The following SLC35H1 variants were observed in gnomAD, a reference collection of about 807,000 sequenced individuals.
The protein encoded by SLC35H1 is ovarian cancer-overexpressed gene 1 protein.
chr20:46,355,328 T>C, the SLC35H1 span: 1 of 1,435,946 alleles, frequency 7.0e-7, no homozygotes, highest in Non-Finnish European at 9.4e-7. The surrounding 1 kb of genome is among the most constrained non-coding windows in gnomAD (Gnocchi z 4.8). Context: ...TCAGCAGCCA[T>C]CTTGGCTGCC....
At chr20:46,357,562 C>G in the SLC35H1 span, 1 of 1,573,250 alleles carries the variant, frequency 6.4e-7, no homozygotes, top group Non-Finnish European at 8.7e-7. Flanking sequence ...CTCTCTTGTT[C>G]TCATCCTATG....
At chr20:46,355,142 G>A in the SLC35H1 span, 1 of 1,614,130 alleles carries the variant, frequency 6.2e-7, no homozygotes, top group Non-Finnish European at 8.5e-7. This position sits in a 1 kb window ranked among gnomAD's most constrained non-coding sequence, Gnocchi z 4.8. Context: ...GAGGCCCCCA[G>A]CACCAAGGCG....
At chr20:46,355,033 C>T in the SLC35H1 span, 19 of 1,613,772 alleles carry the variant, frequency 1.2e-5, no homozygotes, top group East Asian at 6.7e-5. This position sits in a 1 kb window ranked among gnomAD's most constrained non-coding sequence, Gnocchi z 4.8. Flanking sequence ...CTGCCTGTGC[C>T]GGGGTTCCTC....
chr20:46,348,728 T>C, the SLC35H1 span: 1 of 152,182 alleles, frequency 6.6e-6, no homozygotes, highest in Admixed American at 6.5e-5. Flanking sequence ...GCTGCAGAAG[T>C]GGAAGTTGGA....
At chr20:46,355,006 C>CCTGCCCTGCCT in the SLC35H1 span, 1 of 1,613,732 alleles carries the variant, frequency 6.2e-7, no homozygotes. This position sits in a 1 kb window ranked among gnomAD's most constrained non-coding sequence, Gnocchi z 4.8. Context: ...CTGGTCCGGC[C>CCTGCCCTGCCT]CTGCCCTGCC....
chr20:46,356,070 A>C, the SLC35H1 span, among the ~76,000 whole-genome samples: 1 of 152,338 alleles, frequency 6.6e-6, no homozygotes, highest in African/African-American at 2.4e-5. Flanking sequence ...AAGAGGTTAC[A>C]GGTCTGACGT....
the SLC35H1 span, chr20:46,355,255 G>T: frequency 6.2e-7 from 1 of 1,608,250 alleles, no homozygotes; most frequent in African/African-American, 1.3e-5. The surrounding 1 kb of genome is among the most constrained non-coding windows in gnomAD (Gnocchi z 4.8). Flanking sequence ...GTAGGATGGG[G>T]AGCAGTGGCA....
the SLC35H1 span, chr20:46,350,555 C>A: frequency 6.4e-7 from 1 of 1,557,976 alleles, no homozygotes. Context: ...CAGTTACAGG[C>A]CCAGTCGTGG....
the SLC35H1 span, chr20:46,352,407 C>G: frequency 1.6e-6 from 1 of 609,830 alleles, no homozygotes. Flanking sequence ...GGCCTGAGAC[C>G]TGGGGAAACC....
the SLC35H1 span, among the ~76,000 whole-genome samples, chr20:46,361,498 C>A: frequency 2.0e-5 from 3 of 152,316 alleles, no homozygotes; most frequent in South Asian, 6.2e-4. Flanking sequence ...GCATGGGCCT[C>A]AAACATACGT....
At chr20:46,354,988 C>T in the SLC35H1 span, 1 of 1,613,840 alleles carries the variant, frequency 6.2e-7, no homozygotes, top group Middle Eastern at 1.7e-4. Context: ...GGACAGGCAC[C>T]ATCAGGTCTG....
the SLC35H1 span, among the ~76,000 whole-genome samples, chr20:46,361,557 A>T: frequency 6.6e-6 from 1 of 152,150 alleles, no homozygotes; most frequent in Admixed American, 6.5e-5. Flanking sequence ...GGGTTTCTCA[A>T]CCTGGGCGTT....
the SLC35H1 span, chr20:46,358,623 A>G: frequency 6.4e-7 from 1 of 1,567,412 alleles, no homozygotes; most frequent in Non-Finnish European, 8.7e-7. Context: ...GAACGTCTCC[A>G]GGCTGGAGGA....
the SLC35H1 span, chr20:46,355,388 G>T: frequency 1.1e-6 from 1 of 871,458 alleles, no homozygotes; most frequent in Non-Finnish European, 1.7e-6. The surrounding 1 kb of genome is among the most constrained non-coding windows in gnomAD (Gnocchi z 4.8). Flanking sequence ...AGGGGGTCCT[G>T]GACAGTCCTT....
At chr20:46,358,542 C>G in the SLC35H1 span, 2 of 1,614,030 alleles carry the variant, frequency 1.2e-6, no homozygotes, top group Non-Finnish European at 1.7e-6. Context: ...CCTGAGTCAG[C>G]GGGGGCAGGC....
At chr20:46,354,934 G>A in the SLC35H1 span, 1 of 1,613,802 alleles carries the variant, frequency 6.2e-7, no homozygotes, top group Non-Finnish European at 8.5e-7. Context: ...GTGGCTGCAG[G>A]TGGAACATGG....
At chr20:46,357,715 G>A in the SLC35H1 span, 3 of 1,614,180 alleles carry the variant, frequency 1.9e-6, no homozygotes, top group Non-Finnish European at 2.5e-6. Flanking sequence ...GGACAGGGCG[G>A]AGAAGAGGAA....
At chr20:46,356,349 C>G in the SLC35H1 span, among the ~76,000 whole-genome samples, 1 of 152,200 alleles carries the variant, frequency 6.6e-6, no homozygotes, top group South Asian at 2.1e-4. Context: ...CCTGGCTTCC[C>G]CACGCTGCCT....
At chr20:46,352,683 T>C in the SLC35H1 span, 1 of 157,048 alleles carries the variant, frequency 6.4e-6, no homozygotes, top group Non-Finnish European at 1.4e-5. Flanking sequence ...CCTAGTGGAA[T>C]GATGGGGATC....
Sources: gnomAD v4.1 joint callset for allele counts (sites outside exome capture counted in the v4.1 genomes callset) on GRCh38, gnomAD v4.1.1 for gene constraint, Gnocchi (gnomAD v3.1) non-coding constraint, MANE v1.5 for transcripts, NCBI Gene and HGNC (gene_info 2026-07-23, HGNC 2026-07-21) for gene names.